Variants in THAP4 observed in about 807,000 individuals in gnomAD.
THAP4 encodes peroxynitrite isomerase THAP4.
Under a neutral mutation model 48.1 loss-of-function variants are expected in THAP4, and 18 were observed. That is an observed-to-expected ratio of 0.37 (90% confidence interval 0.26 to 0.56). The LOEUF (loss-of-function observed/expected upper bound fraction) is 0.56. THAP4 is among the 20% of genes least tolerant of loss of function. The probability of loss-of-function intolerance (pLI) is 0.78; values close to 1 mark genes in which losing one functional copy is unlikely to be tolerated. For missense variants in THAP4, 656 were observed against 774.9 expected (o/e 0.85, Z 1.82); for synonymous variants, 345 against 324.9 (o/e 1.06, Z -0.66).
chr2:241,627,738 C>T (rs2067511425), intron 2 of THAP4, among the ~76,000 whole-genome samples: 1 of 152,202 alleles, frequency 6.6e-6, no homozygotes, highest in Non-Finnish European at 1.5e-5. Flanking sequence ...CCTGCGACGC[C>T]GGCGTGACAG....
chr2:241,637,483 C>A (rs931931576), upstream of THAP4: 14 of 1,451,478 alleles, frequency 9.6e-6, no homozygotes, highest in Admixed American at 2.6e-4. Flanking sequence ...ACAGCAGAAC[C>A]AGCCGTCGTC....
intron 2 of THAP4, among the ~76,000 whole-genome samples, chr2:241,617,216 A>C (rs1246354186): frequency 6.6e-6 from 1 of 152,220 alleles, no homozygotes; most frequent in Non-Finnish European, 1.5e-5. Context: ...GAAACAAAAA[A>C]TACTATAAAG....
At chr2:241,620,798 C>CT (rs2067421054) in intron 2 of THAP4, among the ~76,000 whole-genome samples, 2 of 152,032 alleles carry the variant, frequency 1.3e-5, no homozygotes, top group Admixed American at 1.3e-4. Context: ...GTTACAATGG[C>CT]TACAATGTCA....
At chr2:241,592,952 G>A (rs1400774971) in intron 5 of THAP4, among the ~76,000 whole-genome samples, 4 of 152,156 alleles carry the variant, frequency 2.6e-5, no homozygotes, top group African/African-American at 4.8e-5. Flanking sequence ...CATCTTAAAA[G>A]GAAAAGCTGG....
intron 5 of THAP4, among the ~76,000 whole-genome samples, chr2:241,591,480 A>G (rs748003499): frequency 1.3e-5 from 2 of 152,236 alleles, no homozygotes; most frequent in Non-Finnish European, 2.9e-5. Flanking sequence ...GTGATTTTTA[A>G]AAAGTAGAAG....
chr2:241,592,947 TA>T (rs1197629790), intron 5 of THAP4, among the ~76,000 whole-genome samples: 2 of 151,976 alleles, frequency 1.3e-5, no homozygotes, highest in Admixed American at 1.3e-4. Context: ...CCATGCATCT[TA>T]AAAGGAAAAG....
rs1020186379 is a variant in THAP4, at chr2:241,608,250, C to T, written c.1241-1777G>A. On this transcript the variant is annotated intron_variant, in intron 2 of 5. Transcript: ENST00000407315. ...GAGCCCTGGGGCCCAGAGTGAGAAC[C>T]GAGGGTGGAGAGCAGGTAATGAGCA... is the stretch of plus-strand genomic sequence containing the variant. 3.3e-5 allele frequency among the ~76,000 whole-genome samples: 5 copies of T among 152,234 alleles called. No homozygotes were observed. The East Asian group carries it at 9.7e-4, about 30-fold the overall frequency.
At chr2:241,590,811 T>A (rs71217049) in intron 5 of THAP4, among the ~76,000 whole-genome samples, 1 of 144,910 alleles carries the variant, frequency 6.9e-6, no homozygotes, top group Non-Finnish European at 1.5e-5. Context: ...CTGATGATAA[T>A]GGGCACTAGG....
At chr2:241,588,936 T>G (rs1208416137) in intron 5 of THAP4, among the ~76,000 whole-genome samples, 1 of 152,164 alleles carries the variant, frequency 6.6e-6, no homozygotes, top group East Asian at 1.9e-4. Flanking sequence ...GGTTCTAGAC[T>G]GCGCATGGTG....
At chr2:241,635,300 T>G (rs2067620972) in intron 1 of THAP4, among the ~76,000 whole-genome samples, 1 of 151,650 alleles carries the variant, frequency 6.6e-6, no homozygotes, top group Admixed American at 6.6e-5. Context: ...AAAGTTAGGA[T>G]GGTAAATTTC....
At chr2:241,636,789 G>T in intron 1 of THAP4, 152 bp downstream of exon 1, 1 of 289,634 alleles carries the variant, frequency 3.5e-6, no homozygotes, top group African/African-American at 2.3e-5. Flanking sequence ...CGGCGGCCGG[G>T]CCAAGGTCAC....
At chr2:241,619,934 AGGGGTGAGTGAGTCATTGAGTGAGGG>A (rs2067399573) in intron 2 of THAP4, among the ~76,000 whole-genome samples, 1 of 35,690 alleles carries the variant, frequency 2.8e-5, no homozygotes, top group South Asian at 1.1e-3. Context: ...GTGAGGGGTG[AGGGGTGAGTGAGTCATTGAGTGAGGG>A]GTGAGGGGTG....
rs534600348 is a variant in THAP4, at chr2:241,601,820, G to A, written c.1614+76C>T. 1.1e-5 allele frequency: 17 copies of A among 1,590,306 alleles called. No homozygotes were observed. The highest frequency in any genetic ancestry group is 2.3e-5 in the East Asian group (1 of 44,050). ...AGTGGCAAGACACGCACTACCTCAC[G>A]GAAGAGGAAGAGGCTGACTCCACAG... On this transcript the variant is annotated intron_variant, in intron 5 of 5. Coordinates refer to ENST00000407315, the MANE Select transcript of THAP4 (RefSeq NM_015963.6). This position sits in a 1 kb window ranked among gnomAD's most constrained non-coding sequence, Gnocchi z 4.0.
intron 5 of THAP4, among the ~76,000 whole-genome samples, chr2:241,593,462 C>T (rs778163873): frequency 6.6e-6 from 1 of 152,094 alleles, no homozygotes; most frequent in African/African-American, 2.4e-5. Context: ...AGGCGGCACA[C>T]AGCCACAGAA....
At position 241,610,553 on chromosome 2, in the gene THAP4, G is replaced by A. The variant is rs141811544; in HGVS notation, c.1241-4080C>T. On this transcript the variant is annotated intron_variant, in intron 2 of 5. Coordinates refer to ENST00000407315, the MANE Select transcript of THAP4 (RefSeq NM_015963.6). The surrounding 1 kb of genome is among the most constrained non-coding windows in gnomAD (Gnocchi z 4.2). ...CGCCAGCCCCTCCACAGACCACAGCGACCGCGCCCCTCGGCCCGGAGGCCC... is the reference window on the plus strand; with the variant it reads ...CGCCAGCCCCTCCACAGACCACAGCAACCGCGCCCCTCGGCCCGGAGGCCC... 1.5e-3 allele frequency among the ~76,000 whole-genome samples: 221 copies of A among 152,220 alleles called. 6 individuals are homozygous for A. The East Asian group carries it at 0.04, about 27-fold the overall frequency.
intron 1 of THAP4, among the ~76,000 whole-genome samples, chr2:241,635,362 G>A (rs972409367): frequency 6.6e-6 from 1 of 152,240 alleles, no homozygotes; most frequent in Admixed American, 6.5e-5. Flanking sequence ...AAAGCAACCA[G>A]CGCAGGAAGA....
At chr2:241,589,552 T>C (rs2066932234) in intron 5 of THAP4, among the ~76,000 whole-genome samples, 1 of 152,152 alleles carries the variant, frequency 6.6e-6, no homozygotes, top group African/African-American at 2.4e-5. Context: ...CACCCTGTAG[T>C]GGCCAGGATA....
intron 2 of THAP4, among the ~76,000 whole-genome samples, chr2:241,623,434 G>C (rs2067459160): frequency 6.6e-6 from 1 of 151,880 alleles, no homozygotes; most frequent in African/African-American, 2.4e-5. Flanking sequence ...ACAAAAATTA[G>C]CAGGGCATGG....
intron 2 of THAP4, among the ~76,000 whole-genome samples, chr2:241,609,519 C>A (rs1481818859): frequency 6.6e-6 from 1 of 152,182 alleles, no homozygotes; most frequent in Admixed American, 6.5e-5. Flanking sequence ...CGCAATGGCT[C>A]ACTGAACCTG....
Sources: allele counts gnomAD v4.1 joint callset (sites outside exome capture counted in the v4.1 genomes callset), GRCh38; gene constraint gnomAD v4.1.1; non-coding constraint Gnocchi (gnomAD v3.1); transcripts MANE v1.5; gene names NCBI Gene and HGNC (gene_info 2026-07-23, HGNC 2026-07-21).